LEF1: variants seen among roughly 807,000 people sequenced by gnomAD.
The protein encoded by LEF1 is lymphoid enhancer-binding factor 1.
LEF1 carries 14 observed loss-of-function variants against 51.2 expected under a neutral mutation model. The ratio of observed to expected loss-of-function variants is 0.27; its 90% confidence interval spans 0.18 to 0.43. The LOEUF is 0.43. Among genes scored for constraint, LEF1 ranks in the 20% least tolerant of loss-of-function variants. The pLI is 1.00. For synonymous variants in LEF1, 185 were observed against 183.2 expected (o/e 1.01, Z -0.08); for missense variants, 386 against 512.0 (o/e 0.75, Z 2.37).
At chr4:108,071,031 A>T (rs1738446602) in intron 8 of LEF1, 1 of 310,874 alleles carries the variant, frequency 3.2e-6, no homozygotes, top group Non-Finnish European at 5.9e-6. Flanking sequence ...TCAAAGTAAA[A>T]TGATCTCTGT....
chr4:108,157,241 G>A (rs779749715), intron 3 of LEF1, among the ~76,000 whole-genome samples: 4 of 117,654 alleles, frequency 3.4e-5, no homozygotes, highest in South Asian at 5.8e-4. Flanking sequence ...TAGCTCTTTC[G>A]CCCAGGCTGG....
At chr4:108,065,056 C>T (rs1007045886) in intron 9 of LEF1, among the ~76,000 whole-genome samples, 1 of 152,220 alleles carries the variant, frequency 6.6e-6, no homozygotes, top group Middle Eastern at 3.4e-3. Context: ...ACCTTGCTTC[C>T]CAAAACAGAC....
chr4:108,060,591 T>A (rs1053026851), intron 11 of LEF1, among the ~76,000 whole-genome samples: 1 of 152,078 alleles, frequency 6.6e-6, no homozygotes, highest in African/African-American at 2.4e-5. Context: ...CAGGGCTCTG[T>A]TCCAGAACAG....
chr4:108,129,290 C>G (rs529602714), intron 3 of LEF1, among the ~76,000 whole-genome samples: 1 of 152,230 alleles, frequency 6.6e-6, no homozygotes, highest in Non-Finnish European at 1.5e-5. Flanking sequence ...AGAAGGAGGT[C>G]AAAAAACACA....
intron 6 of LEF1, 78 bp downstream of exon 6, chr4:108,081,508 G>T: frequency 8.5e-7 from 1 of 1,183,166 alleles, no homozygotes; most frequent in Non-Finnish European, 1.3e-6. Flanking sequence ...CCAACCAAAA[G>T]GCAAGCAGAG....
chr4:108,093,794 T>G (rs1023358542), intron 3 of LEF1, among the ~76,000 whole-genome samples: 6 of 151,996 alleles, frequency 3.9e-5, no homozygotes, highest in Non-Finnish European at 8.8e-5. Context: ...GGAGAAAATA[T>G]CAAGGATGGC....
At chr4:108,077,951 G>A (rs1445654636) in intron 8 of LEF1, among the ~76,000 whole-genome samples, 1 of 152,298 alleles carries the variant, frequency 6.6e-6, no homozygotes, top group East Asian at 1.9e-4. Context: ...TGAGGTGGGA[G>A]GATCGCCTGA....
At chr4:108,131,629 T>C (rs1022436893) in intron 3 of LEF1, among the ~76,000 whole-genome samples, 1 of 152,190 alleles carries the variant, frequency 6.6e-6, no homozygotes, top group African/African-American at 2.4e-5. Flanking sequence ...GCCTGTGTTT[T>C]TGAGTAGTAC....
Position 108,168,483 on chromosome 4 carries a change from A to AGGAGGAGGAGCAGAAGATGGGGGC in LEF1, c.-740_-717dup, listed in dbSNP as rs1262974891. The AGGAGGAGGAGCAGAAGATGGGGGC allele has an allele frequency of 6.6e-6, 1 of 152,230 alleles. No individual in the cohort carries two copies. Among genetic ancestry groups the AGGAGGAGGAGCAGAAGATGGGGGC allele is most frequent in the East Asian group, 1.9e-4 (1 of 5,160 alleles). 9.4% of individuals were successfully genotyped at this position (152,230 alleles called of 1,614,324 possible). On this transcript the variant is annotated 5_prime_UTR_variant, in exon 1 of 12. Transcript: ENST00000265165. The surrounding 1 kb of genome is among the most constrained non-coding windows in gnomAD (Gnocchi z 4.6). ...CGAGGCTCATTTAATCTGCTAGAGA[A>AGGAGGAGGAGCAGAAGATGGGGGC]GGAGGAGGAGCAGAAGATGGGGGCC...
intron 3 of LEF1, among the ~76,000 whole-genome samples, chr4:108,120,504 T>G (rs1215728487): frequency 1.3e-5 from 2 of 152,218 alleles, no homozygotes; most frequent in Non-Finnish European, 2.9e-5. Context: ...AAGATAATTA[T>G]GAATATTCTT....
At chr4:108,080,232 A>G (rs1739192103) in intron 6 of LEF1, among the ~76,000 whole-genome samples, 1 of 152,238 alleles carries the variant, frequency 6.6e-6, no homozygotes, top group African/African-American at 2.4e-5. Flanking sequence ...GCTTTTTCCC[A>G]AGTACGCTTG....
Position 108,061,240 on chromosome 4 carries a change from G to T in LEF1, c.*6+2383C>A, listed in dbSNP as rs183450721. The stretch of plus-strand genomic sequence containing the variant: ...TAGGGGGGTAGGGTGGAGAGAGAGG[G>T]TTATTTTTGTTTTTCTTGCGCAGGA... On this transcript the variant is annotated intron_variant, in intron 11 of 11. Transcript: ENST00000265165. Among the ~76,000 whole-genome samples the T allele has an allele frequency of 2.1e-3, 316 of 152,238 alleles. 3 individuals are homozygous for T. The highest frequency in any genetic ancestry group is 0.01 in the Middle Eastern group (3 of 294).
In LEF1 at chr4:108,091,373, C is replaced by T. The variant is rs1423979739; in HGVS notation, c.415-2116G>A. ...CCTTAGAAAAATTAGAATTCTTATA[C>T]CCTATCTTATAAGAAAAATTAGTAA... is the stretch of plus-strand genomic sequence containing the variant. On this transcript the variant is annotated intron_variant, in intron 3 of 11. Coordinates refer to ENST00000265165, the MANE Select transcript of LEF1 (RefSeq NM_016269.5). Among the ~76,000 whole-genome samples the T allele has an allele frequency of 2.6e-5, 4 of 151,738 alleles. No individual in the cohort carries two copies. The East Asian group carries it at 7.7e-4, about 29-fold the overall frequency.
At chr4:108,067,156 T>C (rs1004037059) in intron 9 of LEF1, among the ~76,000 whole-genome samples, 1 of 152,232 alleles carries the variant, frequency 6.6e-6, no homozygotes, top group Non-Finnish European at 1.5e-5. Flanking sequence ...GAAAACACTA[T>C]GAACGAAGCT....
At chr4:108,092,939 A>AACAAAAAAAAAAAAC (rs1553952203) in intron 3 of LEF1, among the ~76,000 whole-genome samples, 1 of 90,670 alleles carries the variant, frequency 1.1e-5, no homozygotes, top group Non-Finnish European at 2.2e-5. Context: ...AAAAAAAAAA[A>AACAAAAAAAAAAAAC]AAAAAAAAAA....
At chr4:108,119,157 C>T (rs1742016115) in intron 3 of LEF1, among the ~76,000 whole-genome samples, 1 of 147,096 alleles carries the variant, frequency 6.8e-6, no homozygotes, top group Non-Finnish European at 1.5e-5. Context: ...TGAAAGCTAA[C>T]TCCCACATAC....
At chr4:108,153,928 T>C (rs1333461900) in intron 3 of LEF1, among the ~76,000 whole-genome samples, 1 of 152,186 alleles carries the variant, frequency 6.6e-6, no homozygotes, top group Non-Finnish European at 1.5e-5. Context: ...CATGAATATA[T>C]AACAAGTATT....
chr4:108,102,294 A>G (rs1740880139), intron 3 of LEF1, among the ~76,000 whole-genome samples: 1 of 152,190 alleles, frequency 6.6e-6, no homozygotes, highest in Non-Finnish European at 1.5e-5. Flanking sequence ...ATTCTCATTA[A>G]AATTATTACT....
At chr4:108,122,215 G>A (rs564596878) in intron 3 of LEF1, among the ~76,000 whole-genome samples, 2 of 152,214 alleles carry the variant, frequency 1.3e-5, no homozygotes, top group Non-Finnish European at 1.5e-5. Context: ...TCTCTTACTA[G>A]AAAGTAGATT....
Sources: allele counts gnomAD v4.1 joint callset (sites outside exome capture counted in the v4.1 genomes callset), GRCh38; gene constraint gnomAD v4.1.1; non-coding constraint Gnocchi (gnomAD v3.1); transcripts MANE v1.5; gene names NCBI Gene and HGNC (gene_info 2026-07-23, HGNC 2026-07-21).